NCF4: variants seen among roughly 807,000 people sequenced by gnomAD.
NCF4 encodes the protein neutrophil cytosolic factor 4.
A neutral mutation model predicts 41.7 loss-of-function variants in NCF4; 30 were observed. That is an observed-to-expected ratio of 0.72 (90% CI 0.54 to 0.97). The LOEUF (loss-of-function observed/expected upper bound fraction) is 0.97, where lower values mean the gene tolerates loss of function less well. Among genes scored for constraint, NCF4 ranks in the 50% least tolerant of loss-of-function variants. The pLI is 0.00. For synonymous variants in NCF4, 195 were observed against 175.8 expected, an observed-to-expected ratio of 1.11 and a Z score of -0.87; for missense variants, 432 against 460.9, an observed-to-expected ratio of 0.94 and a Z score of 0.57.
chr22:36,870,002 G>C, intron 4 of NCF4: 1 of 299,092 alleles, frequency 3.3e-6, no homozygotes, highest in Non-Finnish European at 6.6e-6. Flanking sequence ...CCCTTGCTAG[G>C]CTTTGTGGCC....
Position 36,875,962 on chromosome 22 carries a change from C to T in NCF4, c.759-67C>T. On this transcript the variant is annotated intron_variant, in intron 8 of 9. Transcript: ENST00000248899. ...AGGGTGGCCTGGCCAGCCTCATTCC[C>T]CTTTCCCCCACCCCACACCCCACTT... 1 of 1,614,128 alleles carries T rather than the reference C, an allele frequency of 6.2e-7. No homozygotes were observed. The highest frequency in any genetic ancestry group is 8.5e-7 in the Non-Finnish European group (1 of 1,180,010).
chr22:36,863,478 C>G (rs1024687335), intron 1 of NCF4, among the ~76,000 whole-genome samples: 1 of 149,726 alleles, frequency 6.7e-6, no homozygotes, highest in Non-Finnish European at 1.5e-5. Context: ...AGGGAAAACT[C>G]GAGGTCCCTC....
intron 7 of NCF4, among the ~76,000 whole-genome samples, chr22:36,872,837 AG>A (rs1200519513): frequency 2.4e-5 from 3 of 125,428 alleles, no homozygotes; most frequent in African/African-American, 9.3e-5. Context: ...GATGGAGGTA[AG>A]GGTGGACGTG....
At chr22:36,872,262 A>G (rs778651616) in intron 6 of NCF4, 65 bp from the exon 7 acceptor site, 1 of 1,246,280 alleles carries the variant, frequency 8.0e-7, no homozygotes, top group South Asian at 1.2e-5. Flanking sequence ...AAAGTATGTA[A>G]GGCACTTCTA....
At chr22:36,863,063 G>A (rs1158417153) in intron 1 of NCF4, among the ~76,000 whole-genome samples, 1 of 152,186 alleles carries the variant, frequency 6.6e-6, no homozygotes, top group Non-Finnish European at 1.5e-5. Flanking sequence ...GGGGACTTCC[G>A]GTTGGGTTTG....
At position 36,864,265 on chromosome 22, in the gene NCF4, C is replaced by T. The variant is rs561658566; in HGVS notation, c.117+136C>T. 68 of 819,278 alleles carry T rather than the reference C, an allele frequency of 8.3e-5. 2 individuals carry two copies. The highest frequency in any genetic ancestry group is 7.0e-4 in the African/African-American group (42 of 60,188). 50.8% of individuals were successfully genotyped at this position (819,278 alleles called of 1,614,324 possible). A position where few individuals can be genotyped will look rare whatever the true frequency, so the allele number is the denominator to read the frequency against. On this transcript the variant is annotated intron_variant, in intron 2 of 9. Transcript: ENST00000248899. The stretch of plus-strand genomic sequence containing the variant: ...CTATCTCAGTGGTTCTCAACAGGAC[C>T]GATTTTGCCCATTTGACATTACCCT...
At chr22:36,872,044 A>C in intron 6 of NCF4, 1 of 677,342 alleles carries the variant, frequency 1.5e-6, no homozygotes, top group Non-Finnish European at 2.7e-6. Flanking sequence ...CCCACGATGA[A>C]GCCTGGGGAC....
intron 4 of NCF4, among the ~76,000 whole-genome samples, chr22:36,868,634 T>C (rs1939983448): frequency 7.6e-6 from 1 of 132,422 alleles, no homozygotes; most frequent in African/African-American, 2.8e-5. Context: ...CTTCTCCCCC[T>C]GGGCTAGAAT....
rs1939856355 is a variant in NCF4, at chr22:36,864,065, A to G, written c.53A>G (p.Asp18Gly). 6.2e-7 allele frequency: 1 copy of G among 1,614,080 alleles called. No homozygotes were observed. Among genetic ancestry groups the G allele is most frequent in the Non-Finnish European group, 8.5e-7 (1 of 1,180,026 alleles). Residue 18 changes from aspartate to glycine, a missense_variant, in exon 2 of 10, where the codon GAT becomes GGT. By Grantham distance (94) the Asp-to-Gly change is moderately conservative (BLOSUM62 -1). Transcript: ENST00000248899. ...RAESDFEQLP[D>G]DVAISANIAD... ...CACAGTGACTTTGAACAGCTTCCGG[A>G]TGATGTTGCCATCTCGGCCAACATT...
Position 36,865,706 on chromosome 22 carries a change from G to A in NCF4, c.271+634G>A, listed in dbSNP as rs989824991. 1.3e-5 allele frequency among the ~76,000 whole-genome samples: 2 copies of A among 152,162 alleles called. No homozygotes were observed. The highest frequency in any genetic ancestry group is 2.9e-5 in the Non-Finnish European group (2 of 68,044). Reference sequence around the variant, plus strand: ...CATCACGAATGGGTTACACGGGGGTGGTCTCAGCGGCGCCCTTCGTGCCCT... The same window carrying A: ...CATCACGAATGGGTTACACGGGGGTAGTCTCAGCGGCGCCCTTCGTGCCCT... On this transcript the variant is annotated intron_variant, in intron 3 of 9. Transcript: ENST00000248899. This position sits in a 1 kb window ranked among gnomAD's most constrained non-coding sequence, Gnocchi z 4.3.
At position 36,871,688 on chromosome 22, in the gene NCF4, C is replaced by T; in HGVS notation, c.507C>T (p.Arg169=). The T allele has an allele frequency of 6.4e-7, 1 of 1,569,730 alleles. No homozygotes were observed. The highest frequency in any genetic ancestry group is 1.2e-5 in the South Asian group (1 of 85,452). The change falls in exon 6 of 10, where the codon CGC becomes CGT. Residue 169 remains arginine (R), a synonymous_variant. Coordinates refer to ENST00000248899, the MANE Select transcript of NCF4 (RefSeq NM_000631.5). The part of the protein sequence containing the change: ...SVSPQGNSVD[R]MAAPRAEALF... ...CCCCACAGGGCAACAGCGTTGACCG[C>T]ATGGCAGCTCCGAGAGCAGAGGTAA...
At chr22:36,873,773 C>G (rs988595723) in intron 7 of NCF4, among the ~76,000 whole-genome samples, 2 of 152,088 alleles carry the variant, frequency 1.3e-5, no homozygotes, top group Non-Finnish European at 2.9e-5. Flanking sequence ...CAGCAATATC[C>G]CTGGCCTCTC....
intron 1 of NCF4, among the ~76,000 whole-genome samples, chr22:36,863,278 T>G (rs1939825961): frequency 6.6e-6 from 1 of 152,076 alleles, no homozygotes; most frequent in Non-Finnish European, 1.5e-5. Context: ...TTGTTACAGA[T>G]GGGACTGCAT....
chr22:36,868,811 T>A (rs1296655937), intron 4 of NCF4, among the ~76,000 whole-genome samples: 1 of 152,092 alleles, frequency 6.6e-6, no homozygotes, highest in Non-Finnish European at 1.5e-5. Context: ...AAGCCAGAGA[T>A]CATTCAGGGC....
intron 4 of NCF4, among the ~76,000 whole-genome samples, chr22:36,869,848 C>G (rs1169294961): frequency 5.3e-5 from 8 of 152,192 alleles, no homozygotes; most frequent in Non-Finnish European, 1.0e-4. Context: ...GATAAAGTAT[C>G]AGGAAGCATT....
chr22:36,861,739 CT>C (rs1939779032), intron 1 of NCF4, among the ~76,000 whole-genome samples: 1 of 152,056 alleles, frequency 6.6e-6, no homozygotes, highest in South Asian at 2.1e-4. Flanking sequence ...ATTATTTTTT[CT>C]TGAACGTTGG....
chr22:36,863,382 T>C (rs542944468), intron 1 of NCF4, among the ~76,000 whole-genome samples: 18 of 151,666 alleles, frequency 1.2e-4, no homozygotes, highest in Non-Finnish European at 2.4e-4. Context: ...GGGAGCTTGA[T>C]CTTCTTGTCC....
rs1384258034 is a variant in NCF4, at chr22:36,864,072, T to C, written c.60T>C (p.Val20=). 1 of 1,614,186 alleles carries C rather than the reference T, an allele frequency of 6.2e-7. No individual in the cohort carries two copies. The highest frequency in any genetic ancestry group is 1.7e-5 in the Admixed American group (1 of 60,026). The part of the protein sequence containing the change: ...ESDFEQLPDD[V]AISANIADIE... ...ACTTTGAACAGCTTCCGGATGATGT[T>C]GCCATCTCGGCCAACATTGCTGACA... Residue 20 remains valine, a synonymous_variant, in exon 2 of 10, where the codon GTT becomes GTC. Coordinates refer to ENST00000248899, the MANE Select transcript of NCF4 (RefSeq NM_000631.5).
chr22:36,877,811 C>T lies in NCF4; in HGVS notation c.1008C>T (p.Asn336=), dbSNP rs759359854. The T allele has an allele frequency of 1.9e-6, 3 of 1,613,670 alleles. No individual in the cohort carries two copies. Among genetic ancestry groups the T allele is most frequent in the South Asian group, 1.1e-5 (1 of 91,030 alleles). Residue 336 remains asparagine (N), a synonymous_variant, in exon 10 of 10, where the codon AAC becomes AAT. Transcript: ENST00000248899. ...ITQKDNYRVY[N]TMP ...AGAAGGACAACTACAGGGTCTACAA[C>T]ACGATGCCATGAGCTGACGGTGTCC...
Sources: allele counts gnomAD v4.1 joint callset (sites outside exome capture counted in the v4.1 genomes callset), GRCh38; gene constraint gnomAD v4.1.1; non-coding constraint Gnocchi (gnomAD v3.1); transcripts MANE v1.5; gene names NCBI Gene and HGNC (gene_info 2026-07-23, HGNC 2026-07-21).